ZBTB7C: variants seen among roughly 807,000 people sequenced by gnomAD.
The protein encoded by ZBTB7C is zinc finger and BTB domain containing 7C.
ZBTB7C carries 8 observed loss-of-function variants against 25.7 expected under a neutral mutation model. The observed-to-expected ratio is 0.31, with a 90% CI of 0.18 to 0.56. The LOEUF (loss-of-function observed/expected upper bound fraction) is 0.56. Ranked by LOEUF, ZBTB7C falls within the 20% of genes least tolerant of loss-of-function variation. ZBTB7C has a pLI of 0.91. For missense variants in ZBTB7C, 824 were observed against 855.2 expected (o/e 0.96, Z 0.46); for synonymous variants, 394 against 369.0 (o/e 1.07, Z -0.78).
intron 3 of ZBTB7C, among the ~76,000 whole-genome samples, chr18:48,123,418 A>G (rs1264623302): frequency 6.6e-6 from 1 of 152,248 alleles, no homozygotes; most frequent in Non-Finnish European, 1.5e-5. Context: ...ACGCCTTCCA[A>G]GAACCGCACA....
intron 1 of ZBTB7C, among the ~76,000 whole-genome samples, chr18:48,380,279 AG>A (rs1353264530): frequency 1.3e-5 from 2 of 152,168 alleles, no homozygotes; most frequent in Non-Finnish European, 2.9e-5. Context: ...TTTTCCCATG[AG>A]GATATAGGTT....
At chr18:48,049,056 G>T (rs112109718) in intron 3 of ZBTB7C, among the ~76,000 whole-genome samples, 152 of 152,294 alleles carry the variant, frequency 1.0e-3, no homozygotes, top group African/African-American at 3.6e-3. Context: ...GCTTGTGGGA[G>T]TTATTTATAG....
chr18:48,167,045 C>T (rs116874963), intron 3 of ZBTB7C, among the ~76,000 whole-genome samples: 4,715 of 152,266 alleles, frequency 0.031, 74 homozygotes, highest in Middle Eastern at 0.075. Flanking sequence ...TCGTGCTGCC[C>T]TTCTACCCAA....
chr18:48,141,571 GA>G (rs1555699144), intron 3 of ZBTB7C, among the ~76,000 whole-genome samples: 1 of 152,030 alleles, frequency 6.6e-6, no homozygotes, highest in Non-Finnish European at 1.5e-5. Flanking sequence ...GGGCGGGGGG[GA>G]AAGTAACCCA....
intron 2 of ZBTB7C, among the ~76,000 whole-genome samples, chr18:48,309,978 C>A (rs1351573688): frequency 6.6e-6 from 1 of 152,076 alleles, no homozygotes; most frequent in Non-Finnish European, 1.5e-5. Context: ...GCCTGTAATC[C>A]CAGCACTTTG....
At chr18:48,376,328 C>T (rs373355729) in intron 1 of ZBTB7C, among the ~76,000 whole-genome samples, 42 of 152,298 alleles carry the variant, frequency 2.8e-4, no homozygotes, top group African/African-American at 9.1e-4. Context: ...AAAGATGATT[C>T]GGAAGGAAGG....
At chr18:48,140,106 C>T (rs1276212092) in intron 3 of ZBTB7C, among the ~76,000 whole-genome samples, 6 of 152,226 alleles carry the variant, frequency 3.9e-5, no homozygotes, top group Non-Finnish European at 8.8e-5. Flanking sequence ...CTTCAACCAC[C>T]GAGCATGGCT....
chr18:48,282,638 G>A (rs1453497223), intron 2 of ZBTB7C, among the ~76,000 whole-genome samples: 1 of 152,026 alleles, frequency 6.6e-6, no homozygotes, highest in East Asian at 1.9e-4. Context: ...AGACATTGTG[G>A]TATAGTCACA....
Position 48,028,008 on chromosome 18 carries a change from C to T in ZBTB7C, c.*1252G>A, listed in dbSNP as rs570029545. On this transcript the variant is annotated 3_prime_UTR_variant, in exon 5 of 5. Coordinates refer to ENST00000590800, the MANE Select transcript of ZBTB7C (RefSeq NM_001318841.2). ...TGTCAAAAATGGGGAGCCAAATACT[C>T]CCACTTCATCCCCAGAGGGAGGAGG... 1.2e-3 allele frequency: 182 copies of T among 152,390 alleles called. No homozygotes were observed. Among genetic ancestry groups the T allele is most frequent in the Non-Finnish European group, 2.2e-3 (148 of 68,090 alleles). 9.4% of individuals were successfully genotyped at this position (152,390 alleles called of 1,614,324 possible). A position where few individuals can be genotyped will look rare whatever the true frequency, so the allele number is the denominator to read the frequency against.
intron 3 of ZBTB7C, among the ~76,000 whole-genome samples, chr18:48,106,925 A>G (rs559649375): frequency 2.0e-5 from 3 of 152,194 alleles, no homozygotes; most frequent in African/African-American, 7.2e-5. Context: ...GGTTCTATAT[A>G]CCAGGCTCAG....
chr18:48,219,614 C>T (rs2042904316), intron 2 of ZBTB7C, among the ~76,000 whole-genome samples: 1 of 152,208 alleles, frequency 6.6e-6, no homozygotes, highest in Non-Finnish European at 1.5e-5. Flanking sequence ...TGACAACCCA[C>T]AGAGGCTTAG....
chr18:48,367,202 T>TATATATATATATATATACACAC (rs1302394192), intron 1 of ZBTB7C, among the ~76,000 whole-genome samples: 26 of 63,354 alleles, frequency 4.1e-4, no homozygotes, highest in South Asian at 1.6e-3. Context: ...TATATATATA[T>TATATATATATATATATACACAC]ACACACACAC....
intron 2 of ZBTB7C, among the ~76,000 whole-genome samples, chr18:48,246,405 G>A (rs2043695111): frequency 6.6e-6 from 1 of 151,540 alleles, no homozygotes; most frequent in South Asian, 2.1e-4. Flanking sequence ...ACTCCAGCCT[G>A]GGCAAGAGAG....
At chr18:48,371,679 C>T (rs1225914685) in intron 1 of ZBTB7C, among the ~76,000 whole-genome samples, 1 of 152,210 alleles carries the variant, frequency 6.6e-6, no homozygotes, top group African/African-American at 2.4e-5. Flanking sequence ...AAAACCAGCA[C>T]AGATATGCAG....
At chr18:48,068,613 C>T (rs972580368) in intron 3 of ZBTB7C, among the ~76,000 whole-genome samples, 3 of 152,178 alleles carry the variant, frequency 2.0e-5, no homozygotes, top group African/African-American at 7.2e-5. Flanking sequence ...CAGGGCCTCC[C>T]CATGTGCAAC....
Position 48,122,635 on chromosome 18 carries a change from C to T in ZBTB7C, c.-17+63299G>A, listed in dbSNP as rs111717907. 6.4e-3 allele frequency among the ~76,000 whole-genome samples: 980 copies of T among 152,288 alleles called. 14 individuals are homozygous for T. Among genetic ancestry groups the T allele is most frequent in the African/African-American group, 0.021 (877 of 41,548 alleles). On this transcript the variant is annotated intron_variant, in intron 3 of 4. Transcript: ENST00000590800. ...TACTGACTTAATATGTTACAACAGG[C>T]TCTGGTGAAGTATCCGAAATGGGCA...
chr18:48,316,997 G>A (rs2045963793), intron 2 of ZBTB7C, among the ~76,000 whole-genome samples: 1 of 152,236 alleles, frequency 6.6e-6, no homozygotes, highest in South Asian at 2.1e-4. Flanking sequence ...AACAAGCCAG[G>A]TGCAGTGGCT....
At chr18:48,365,778 G>A (rs1339704445) in intron 1 of ZBTB7C, among the ~76,000 whole-genome samples, 3 of 152,184 alleles carry the variant, frequency 2.0e-5, no homozygotes, top group Non-Finnish European at 4.4e-5. Flanking sequence ...AGGCAGCCAT[G>A]GATAACAAAA....
chr18:48,236,630 C>G (rs1036193163), intron 2 of ZBTB7C, among the ~76,000 whole-genome samples: 1 of 152,038 alleles, frequency 6.6e-6, no homozygotes, highest in Non-Finnish European at 1.5e-5. Flanking sequence ...CCTCCTAAAG[C>G]AAAAGATTGA....
Sources: gnomAD v4.1 joint callset for allele counts (sites outside exome capture counted in the v4.1 genomes callset) on GRCh38, gnomAD v4.1.1 for gene constraint, MANE v1.5 for transcripts, NCBI Gene and HGNC (gene_info 2026-07-23, HGNC 2026-07-21) for gene names.